CNTN5: variants seen among roughly 807,000 people sequenced by gnomAD.
CNTN5 encodes the protein contactin-5.
Under a neutral mutation model 129.1 loss-of-function variants are expected in CNTN5, and 77 were observed. That is an observed-to-expected ratio of 0.60 (90% CI 0.50 to 0.72). CNTN5 has a LOEUF of 0.72. Ranked by LOEUF, CNTN5 falls within the 30% of genes least tolerant of loss-of-function variation. The pLI, the probability that CNTN5 is intolerant of heterozygous loss-of-function variation, is 0.00. For missense variants in CNTN5, 1,478 were observed against 1,328.8 expected, an observed-to-expected ratio of 1.11 and a Z score of -1.75; for synonymous variants, 509 against 465.6, an observed-to-expected ratio of 1.09 and a Z score of -1.20.
intron 1 of CNTN5, among the ~76,000 whole-genome samples, chr11:99,035,500 A>C (rs1863672671): frequency 6.6e-6 from 1 of 150,584 alleles, no homozygotes; most frequent in South Asian, 2.1e-4. Context: ...CTTCTTGTTG[A>C]ATTGATCCCT....
At chr11:99,668,561 A>C (rs1259106957) in intron 3 of CNTN5, among the ~76,000 whole-genome samples, 1 of 152,098 alleles carries the variant, frequency 6.6e-6, no homozygotes, top group Non-Finnish European at 1.5e-5. Flanking sequence ...TTCAGGTGGG[A>C]TTTGAACCAG....
rs1160262845 is a variant in CNTN5, at chr11:99,957,122, A to G, written c.877+113A>G. The G allele has an allele frequency of 2.6e-5, 24 of 918,312 alleles. No individual in the cohort carries two copies. In the East Asian group the frequency reaches 6.4e-4, roughly 25 times the overall value. The allele number at this position is 918,312 out of a possible 1,614,324, so 56.9% of individuals were successfully genotyped here. On this transcript the variant is annotated intron_variant, in intron 8 of 24. Coordinates refer to ENST00000524871, the MANE Select transcript of CNTN5 (RefSeq NM_014361.4). ...GAACTTACAAATAAAATAAAAAGGC[A>G]TTTGCCATATTTAGACACTACATTT...
chr11:99,377,446 GT>G (rs1239137904), intron 2 of CNTN5, among the ~76,000 whole-genome samples: 2 of 151,554 alleles, frequency 1.3e-5, no homozygotes, highest in Admixed American at 6.6e-5. Flanking sequence ...AAAGGCTTTA[GT>G]TTTTTTTAAA....
intron 15 of CNTN5, among the ~76,000 whole-genome samples, chr11:100,197,588 T>C (rs2138533187): frequency 6.6e-6 from 1 of 152,082 alleles, no homozygotes; most frequent in South Asian, 2.1e-4. Flanking sequence ...GATATCTGAA[T>C]AGCATCTGAG....
chr11:99,380,200 C>A (rs1480252547), intron 2 of CNTN5, among the ~76,000 whole-genome samples: 1 of 151,564 alleles, frequency 6.6e-6, no homozygotes, highest in African/African-American at 2.4e-5. Flanking sequence ...AATATTTGTC[C>A]TTTGTTTGGT....
intron 3 of CNTN5, among the ~76,000 whole-genome samples, chr11:99,628,362 A>C (rs527802160): frequency 2.0e-5 from 3 of 152,190 alleles, no homozygotes; most frequent in Admixed American, 2.0e-4. Context: ...ATCTTTAATG[A>C]AAACATAACC....
chr11:99,528,088 T>G (rs1258803903), intron 2 of CNTN5, among the ~76,000 whole-genome samples: 2 of 152,190 alleles, frequency 1.3e-5, no homozygotes, highest in Non-Finnish European at 2.9e-5. Flanking sequence ...TTTGCTAGAA[T>G]GATGCTGTCA....
At chr11:100,216,999 C>T (rs1008580717) in intron 15 of CNTN5, among the ~76,000 whole-genome samples, 1 of 152,166 alleles carries the variant, frequency 6.6e-6, no homozygotes, top group East Asian at 1.9e-4. Flanking sequence ...GTTACCTAAA[C>T]TCTTCAGCCC....
intron 9 of CNTN5, among the ~76,000 whole-genome samples, chr11:100,053,564 A>G (rs1943070988): frequency 6.6e-6 from 1 of 151,760 alleles, no homozygotes; most frequent in Admixed American, 6.6e-5. Context: ...TAAATGATTG[A>G]CAATACCAAG....
chr11:99,248,802 C>T (rs1437499732), intron 1 of CNTN5, among the ~76,000 whole-genome samples: 1 of 152,038 alleles, frequency 6.6e-6, no homozygotes, highest in Non-Finnish European at 1.5e-5. Context: ...TCTGAGGGCT[C>T]AGTTCTGTTC....
At position 100,127,040 on chromosome 11, in the gene CNTN5, CTCCCAGGTA is replaced by C. The variant is rs562115908; in HGVS notation, c.1580+52747_1580+52755del. On this transcript the variant is annotated intron_variant, in intron 13 of 24. Coordinates refer to ENST00000524871, the MANE Select transcript of CNTN5 (RefSeq NM_014361.4). Reference sequence around the variant, plus strand: ...GCACAATGGATCTTCCCACATTAGCCTCCCAGGTAGCCCAGGTAGCTGGGATTACAGGTG... The same window carrying C: ...GCACAATGGATCTTCCCACATTAGCCGCCCAGGTAGCTGGGATTACAGGTG... Among the ~76,000 whole-genome samples the C allele has an allele frequency of 2.9e-3, 446 of 151,730 alleles. 2 individuals are homozygous for C. The highest frequency in any genetic ancestry group is 0.01 in the African/African-American group (424 of 41,368).
chr11:100,220,913 A>G (rs1005520350), intron 15 of CNTN5, among the ~76,000 whole-genome samples: 1 of 152,194 alleles, frequency 6.6e-6, no homozygotes, highest in Non-Finnish European at 1.5e-5. Flanking sequence ...GGCCAGAGGT[A>G]TTGTCAGCTA....
At chr11:99,337,228 C>A (rs536614857) in intron 2 of CNTN5, among the ~76,000 whole-genome samples, 1 of 152,014 alleles carries the variant, frequency 6.6e-6, no homozygotes, top group Middle Eastern at 3.2e-3. Context: ...ATAAATATTA[C>A]AGTTAAATAG....
intron 15 of CNTN5, among the ~76,000 whole-genome samples, chr11:100,221,590 G>A (rs117474472): frequency 2.6e-3 from 392 of 152,268 alleles, no homozygotes; most frequent in Non-Finnish European, 4.9e-3. Context: ...ATATGTAAAT[G>A]ACATACCCCT....
chr11:99,853,550 C>G (rs1477485694), intron 6 of CNTN5, among the ~76,000 whole-genome samples: 1 of 152,060 alleles, frequency 6.6e-6, no homozygotes, highest in Non-Finnish European at 1.5e-5. Context: ...CAGGCATGCG[C>G]CACCATGCCT....
chr11:99,298,656 G>A (rs554490665), intron 1 of CNTN5, among the ~76,000 whole-genome samples: 1 of 152,086 alleles, frequency 6.6e-6, no homozygotes, highest in African/African-American at 2.4e-5. Flanking sequence ...CAGTTTTCTG[G>A]CAGAGCAGGA....
At chr11:99,782,514 T>C (rs7109150) in intron 3 of CNTN5, among the ~76,000 whole-genome samples, 18,999 of 150,406 alleles carry the variant, frequency 0.13, 1,718 homozygotes, top group East Asian at 0.39. Context: ...GAGCCCGCAT[T>C]GCCAAGTCAA....
At chr11:100,294,527 G>T (rs1448559769) in intron 18 of CNTN5, among the ~76,000 whole-genome samples, 1 of 151,610 alleles carries the variant, frequency 6.6e-6, no homozygotes, top group Non-Finnish European at 1.5e-5. Flanking sequence ...ACTTAAACCT[G>T]CTAACCATAT....
At chr11:99,474,065 A>G (rs1158523580) in intron 2 of CNTN5, among the ~76,000 whole-genome samples, 1 of 152,062 alleles carries the variant, frequency 6.6e-6, no homozygotes, top group Non-Finnish European at 1.5e-5. Flanking sequence ...GCACCAAAAC[A>G]ATTTTCTTAA....
Sources: gnomAD v4.1 joint callset for allele counts (sites outside exome capture counted in the v4.1 genomes callset) on GRCh38, gnomAD v4.1.1 for gene constraint, MANE v1.5 for transcripts, NCBI Gene and HGNC (gene_info 2026-07-23, HGNC 2026-07-21) for gene names.